Variants in AKAP13 observed in about 807,000 individuals in gnomAD.
The protein encoded by AKAP13 is A-kinase anchoring protein 13, also known as A-kinase anchor protein 13.
Under a neutral mutation model 264.5 loss-of-function variants are expected in AKAP13, and 80 were observed. The ratio of observed to expected loss-of-function variants is 0.30; its 90% CI spans 0.25 to 0.36. The LOEUF is 0.36. Ranked by LOEUF, AKAP13 falls within the 10% of genes least tolerant of loss-of-function variation. AKAP13 has a pLI of 1.00. For synonymous variants in AKAP13, 1,380 were observed against 1,250.2 expected, an observed-to-expected ratio of 1.10 and a Z score of -2.19; for missense variants, 3,712 against 3,435.2, an observed-to-expected ratio of 1.08 and a Z score of -2.01.
At chr15:85,434,323 C>T (rs1203013928) in intron 1 of AKAP13, among the ~76,000 whole-genome samples, 2 of 152,182 alleles carry the variant, frequency 1.3e-5, no homozygotes, top group East Asian at 3.9e-4. Context: ...GGGTCCTACG[C>T]CCACGGAATC....
intron 21 of AKAP13, 67 bp downstream of exon 21, chr15:85,717,469 C>T (rs3765096): frequency 0.33 from 361,944 of 1,100,704 alleles, 61,956 homozygotes; most frequent in Middle Eastern, 0.45. Flanking sequence ...TTACCTAGAA[C>T]ATAAGTCTTA....
intron 14 of AKAP13, among the ~76,000 whole-genome samples, chr15:85,680,788 G>C (rs1208182085): frequency 6.6e-6 from 1 of 152,138 alleles, no homozygotes; most frequent in Non-Finnish European, 1.5e-5. Flanking sequence ...GAGTTGAAGA[G>C]TTTCAAATGC....
At chr15:85,495,988 T>C (rs971698064) in intron 2 of AKAP13, among the ~76,000 whole-genome samples, 2 of 152,234 alleles carry the variant, frequency 1.3e-5, no homozygotes, top group Admixed American at 6.5e-5. Context: ...CCTTATGATA[T>C]TGTTCTGTTT....
At chr15:85,414,834 T>G (rs1260274077) in intron 1 of AKAP13, among the ~76,000 whole-genome samples, 1 of 152,246 alleles carries the variant, frequency 6.6e-6, no homozygotes, top group Non-Finnish European at 1.5e-5. Context: ...AGGCTTTGCC[T>G]TGTATTAAAG....
Position 85,735,135 on chromosome 15 carries a change from A to G in AKAP13, c.7426A>G (p.Met2476Val). 1.2e-6 allele frequency: 2 copies of G among 1,613,946 alleles called. No individual in the cohort carries two copies. Among genetic ancestry groups the G allele is most frequent in the Non-Finnish European group, 1.7e-6 (2 of 1,179,950 alleles). ...ETFGGFDSHQ[M>V]NASKGGEKEE... ...CTTTGGAGGATTTGACAGCCATCAG[A>G]TGAATGCTTCAAAAGGTAAATGATG... The change falls in exon 31 of 37, where the codon ATG (methionine) becomes GTG (valine). Residue 2476 changes from methionine to valine, a missense_variant. Around this residue, in one of 3 missense-constraint regions of AKAP13, gnomAD observed 611 missense variants for 539.3 expected, o/e 1.13. Transcript: ENST00000394518.
At chr15:85,572,335 G>A (rs2078844849) in intron 5 of AKAP13, among the ~76,000 whole-genome samples, 1 of 152,206 alleles carries the variant, frequency 6.6e-6, no homozygotes, top group Admixed American at 6.5e-5. Context: ...AGGCATGTTA[G>A]TGACTATGTC....
chr15:85,462,683 G>A (rs2074561783), intron 1 of AKAP13, among the ~76,000 whole-genome samples: 1 of 152,102 alleles, frequency 6.6e-6, no homozygotes, highest in Non-Finnish European at 1.5e-5. Flanking sequence ...TAGAATCAAA[G>A]CTATGAAATC....
At chr15:85,696,247 A>G (rs546669363) in intron 17 of AKAP13, among the ~76,000 whole-genome samples, 1 of 152,342 alleles carries the variant, frequency 6.6e-6, no homozygotes, top group African/African-American at 2.4e-5. Context: ...ACCAGGTAAT[A>G]TAATCCATAA....
chr15:85,643,781 C>CT (rs1426721496), intron 9 of AKAP13, among the ~76,000 whole-genome samples: 2 of 152,200 alleles, frequency 1.3e-5, no homozygotes, highest in African/African-American at 4.8e-5. Flanking sequence ...CTGTGACAGT[C>CT]TTTAGGCACA....
At position 85,418,082 on chromosome 15, in the gene AKAP13, T is replaced by TATC. The variant is rs1444794432; in HGVS notation, c.-12+37286_-12+37287insCAT. On this transcript the variant is annotated intron_variant, in intron 1 of 36. Coordinates refer to ENST00000394518, the MANE Select transcript of AKAP13 (RefSeq NM_007200.5). ...TTATTATTATCATTATTATTATTAT[T>TATC]ATTATTATTCTGAGATAGGGTCTGT... Among the ~76,000 whole-genome samples, 443 of 149,198 alleles carry TATC rather than the reference T, an allele frequency of 3.0e-3. 3 individuals carry two copies. Among genetic ancestry groups the TATC allele is most frequent in the Non-Finnish European group, 4.7e-3 (315 of 67,406 alleles).
Position 85,510,384 on chromosome 15 carries a change from T to C in AKAP13, c.34-11044T>C, listed in dbSNP as rs575138716. On this transcript the variant is annotated intron_variant, in intron 2 of 36. Coordinates refer to ENST00000394518, the MANE Select transcript of AKAP13 (RefSeq NM_007200.5). ...AGTATATGTATTAATATAGCATTTG[T>C]TATATTACTAATAAATGTATAATTA... Among the ~76,000 whole-genome samples, 74 of 152,362 alleles carry C rather than the reference T, an allele frequency of 4.9e-4. 1 individual carries two copies. In the South Asian group the frequency reaches 9.9e-3, roughly 20 times the overall value.
chr15:85,524,008 C>A (rs2076929288), intron 3 of AKAP13, among the ~76,000 whole-genome samples: 1 of 152,218 alleles, frequency 6.6e-6, no homozygotes, highest in South Asian at 2.1e-4. Context: ...AAAGTCCATG[C>A]AGTGCACTGT....
Position 85,722,150 on chromosome 15 carries a change from G to C in AKAP13, c.6378+34G>C, listed in dbSNP as rs112317494. 9.6e-4 allele frequency: 1,553 copies of C among 1,612,758 alleles called. 7 individuals carry two copies. In the African/African-American group the frequency reaches 0.012, roughly 13 times the overall value. ...AAGAAACATGAAAATCCCCGTTATT[G>C]TTGAGAGCCATGTGTCCCTGTCGGC... On this transcript the variant is annotated intron_variant, in intron 24 of 36. Coordinates refer to ENST00000394518, the MANE Select transcript of AKAP13 (RefSeq NM_007200.5).
chr15:85,664,535 T>A, intron 12 of AKAP13, 28 bp from the exon 13 acceptor site: 1 of 1,568,000 alleles, frequency 6.4e-7, no homozygotes, highest in Non-Finnish European at 8.7e-7. Flanking sequence ...AGAAATAGAA[T>A]GAATTAACTT....
At chr15:85,660,240 C>G (rs998472686) in intron 12 of AKAP13, among the ~76,000 whole-genome samples, 48 of 150,612 alleles carry the variant, frequency 3.2e-4, no homozygotes, top group South Asian at 4.2e-4. Flanking sequence ...GTAATCCCAG[C>G]TACTCAGGAG....
chr15:85,398,178 T>G (rs955850746), intron 1 of AKAP13, among the ~76,000 whole-genome samples: 60 of 152,112 alleles, frequency 3.9e-4, no homozygotes, highest in Non-Finnish European at 1.2e-4. Context: ...TGAGCTATTA[T>G]TTTGGCAGAA....
chr15:85,595,290 G>A (rs537731453), intron 8 of AKAP13, among the ~76,000 whole-genome samples: 25 of 151,984 alleles, frequency 1.6e-4, no homozygotes, highest in African/African-American at 5.8e-4. Context: ...GTAGAGACAC[G>A]GTCTCCACAA....
chr15:85,690,475 T>A (rs999874307), intron 16 of AKAP13, among the ~76,000 whole-genome samples: 1 of 152,360 alleles, frequency 6.6e-6, no homozygotes, highest in Non-Finnish European at 1.5e-5. Flanking sequence ...CTTTAGTGAT[T>A]ACCAATTTTC....
chr15:85,613,744 A>T (rs1439195497), intron 8 of AKAP13, among the ~76,000 whole-genome samples: 3 of 144,770 alleles, frequency 2.1e-5, no homozygotes, highest in African/African-American at 7.7e-5. Context: ...CAGATGTCCT[A>T]CCAGGGGAGG....
Sources: gnomAD v4.1 joint callset for allele counts (sites outside exome capture counted in the v4.1 genomes callset) on GRCh38, gnomAD v4.1.1 for gene constraint, gnomAD v4.1.1 regional missense constraint, MANE v1.5 for transcripts, NCBI Gene and HGNC (gene_info 2026-07-23, HGNC 2026-07-21) for gene names.